UNC5D: variants seen among roughly 807,000 people sequenced by gnomAD.
UNC5D encodes netrin receptor UNC5D.
In UNC5D, 39 loss-of-function variants were observed where a neutral mutation model predicts 105.4. The ratio of observed to expected loss-of-function variants is 0.37; its 90% CI spans 0.29 to 0.48. The LOEUF (loss-of-function observed/expected upper bound fraction) is 0.48, where lower values mean the gene tolerates loss of function less well. UNC5D is among the 20% of genes least tolerant of loss of function. UNC5D has a pLI of 0.98. For missense variants in UNC5D, 991 were observed against 1,202.4 expected (o/e 0.82, Z 2.60); for synonymous variants, 452 against 450.4 (o/e 1.00, Z -0.04).
intron 11 of UNC5D, among the ~76,000 whole-genome samples, chr8:35,732,692 A>G (rs533320795): frequency 6.6e-6 from 1 of 152,270 alleles, no homozygotes; most frequent in East Asian, 1.9e-4. Context: ...CTTTCCCTGA[A>G]TCACAGCTTC....
Position 35,621,826 on chromosome 8 carries a change from G to A in UNC5D, c.570+26169G>A, listed in dbSNP as rs138790298. ...CATGTGCCTGAGCCTTCAGTAGGGT[G>A]GTTTCTTCAAAATTCAATATGAACA... On this transcript the variant is annotated intron_variant, in intron 4 of 16. Coordinates refer to ENST00000404895, the MANE Select transcript of UNC5D (RefSeq NM_080872.4). 6.9e-3 allele frequency among the ~76,000 whole-genome samples: 1,043 copies of A among 152,166 alleles called. 9 individuals carry two copies. The highest frequency in any genetic ancestry group is 0.031 in the Middle Eastern group (9 of 294).
intron 4 of UNC5D, among the ~76,000 whole-genome samples, chr8:35,606,098 C>T (rs1316145967): frequency 2.0e-5 from 3 of 151,816 alleles, no homozygotes; most frequent in African/African-American, 7.3e-5. Context: ...AATGATTCTC[C>T]TGGCTCAGCC....
rs1801805313 is a variant in UNC5D at position 35,767,034 on chromosome 8, C to T, written c.2446C>T (p.Gln816Ter). The change falls in exon 15 of 17, where the codon CAG becomes TAG. Residue 816 changes from glutamine to a stop codon, truncating the protein, a stop_gained. Transcript: ENST00000404895. LOFTEE classifies it high-confidence loss of function. Reference sequence around the variant, plus strand: ...CATTCGGCAGCTCAAAGGCCATGAACAGATCCTCCAAGTGCAGACATCAAT... The same window carrying T: ...CATTCGGCAGCTCAAAGGCCATGAATAGATCCTCCAAGTGCAGACATCAAT... ...ICIRQLKGHE[Q>*]ILQVQTSILE... 6.2e-7 allele frequency: 1 copy of T among 1,613,694 alleles called. No individual in the cohort carries two copies. Among genetic ancestry groups the T allele is most frequent in the Admixed American group, 1.7e-5 (1 of 59,982 alleles).
rs112767239 is a variant in UNC5D at position 35,464,029 on chromosome 8, G to A, written c.104-85263G>A. 5.5e-3 allele frequency among the ~76,000 whole-genome samples: 833 copies of A among 152,214 alleles called. 1 individual carries two copies. Among genetic ancestry groups the A allele is most frequent in the Non-Finnish European group, 8.5e-3 (575 of 68,022 alleles). On this transcript the variant is annotated intron_variant, in intron 1 of 16. Transcript: ENST00000404895. ...TTTCTAATCTTATACAGGTACTTAT[G>A]TATTAGAAAACAGTCGGCCAGGCGC...
At position 35,549,356 on chromosome 8, in the gene UNC5D, C is replaced by T; in HGVS notation, c.168C>T (p.Phe56=). The T allele has an allele frequency of 6.2e-7, 1 of 1,613,600 alleles. No homozygotes were observed. Among genetic ancestry groups the T allele is most frequent in the Non-Finnish European group, 8.5e-7 (1 of 1,180,036 alleles). The part of the protein sequence containing the change: ...IPSAPGTLPH[F]IEEPDDAYII... Reference sequence around the variant, plus strand: ...CAGCTCCTGGGACACTGCCTCATTTCATAGAGGAGCCAGATGATGCTTATA... The same window carrying T: ...CAGCTCCTGGGACACTGCCTCATTTTATAGAGGAGCCAGATGATGCTTATA... Residue 56 remains phenylalanine (F), a synonymous_variant, in exon 2 of 17, where the codon TTC becomes TTT. Transcript: ENST00000404895.
At chr8:35,601,467 G>T (rs369396732) in intron 4 of UNC5D, among the ~76,000 whole-genome samples, 9 of 151,974 alleles carry the variant, frequency 5.9e-5, no homozygotes, top group Non-Finnish European at 1.3e-4. Flanking sequence ...TATCCTCTTT[G>T]ATTTCATTGA....
rs367776442 is a variant in UNC5D at position 35,348,219 on chromosome 8, T to G, written c.103+112332T>G. The stretch of plus-strand genomic sequence containing the variant: ...TTAAGTTCTCATGTCATTAGTGGTG[T>G]TGTTTTACCAAAAAAAATTATATAT... On this transcript the variant is annotated intron_variant, in intron 1 of 16. Coordinates refer to ENST00000404895, the MANE Select transcript of UNC5D (RefSeq NM_080872.4). Among the ~76,000 whole-genome samples the G allele has an allele frequency of 3.9e-5, 6 of 152,042 alleles. No homozygotes were observed. The East Asian group carries it at 5.8e-4, about 15-fold the overall frequency.
intron 11 of UNC5D, among the ~76,000 whole-genome samples, chr8:35,734,517 T>A (rs1282834392): frequency 6.6e-6 from 1 of 151,970 alleles, no homozygotes; most frequent in Admixed American, 6.6e-5. Context: ...TTCAAGCGAT[T>A]CTCCTGCCTC....
chr8:35,629,840 C>T (rs578056331), intron 4 of UNC5D, among the ~76,000 whole-genome samples: 2 of 152,090 alleles, frequency 1.3e-5, no homozygotes, highest in Non-Finnish European at 2.9e-5. Flanking sequence ...ATTATCCCCC[C>T]ACCCCAGGTC....
chr8:35,367,422 A>C (rs893336954), intron 1 of UNC5D, among the ~76,000 whole-genome samples: 3 of 152,140 alleles, frequency 2.0e-5, no homozygotes, highest in Non-Finnish European at 2.9e-5. Flanking sequence ...ATTGAAAGGA[A>C]CCCAGGTCTT....
intron 14 of UNC5D, 78 bp from the exon 15 acceptor site, chr8:35,766,824 T>TCAC: frequency 1.4e-6 from 2 of 1,414,486 alleles, no homozygotes; most frequent in South Asian, 3.4e-5. Flanking sequence ...ATCATCATCA[T>TCAC]CACTATTAAG....
At chr8:35,413,461 C>CTT (rs556334880) in intron 1 of UNC5D, among the ~76,000 whole-genome samples, 5 of 138,430 alleles carry the variant, frequency 3.6e-5, no homozygotes, top group African/African-American at 8.0e-5. Flanking sequence ...CCACCATGGG[C>CTT]TTTTTTTTTT....
intron 4 of UNC5D, among the ~76,000 whole-genome samples, chr8:35,598,348 A>G (rs1043067866): frequency 2.0e-5 from 3 of 152,196 alleles, no homozygotes; most frequent in African/African-American, 7.2e-5. Flanking sequence ...TCCTCAGAAC[A>G]TGAAGCAGTG....
At chr8:35,353,437 T>C (rs1299771120) in intron 1 of UNC5D, among the ~76,000 whole-genome samples, 14 of 152,202 alleles carry the variant, frequency 9.2e-5, no homozygotes, top group Non-Finnish European at 2.1e-4. Flanking sequence ...TCAACTGTTG[T>C]CTTTGGGATT....
intron 8 of UNC5D, among the ~76,000 whole-genome samples, chr8:35,707,442 A>G (rs1404959912): frequency 6.6e-6 from 1 of 152,058 alleles, no homozygotes; most frequent in Non-Finnish European, 1.5e-5. Flanking sequence ...GGGAAGACTG[A>G]GTTTGGGGGC....
chr8:35,733,444 G>A (rs1287093236), intron 11 of UNC5D, among the ~76,000 whole-genome samples: 1 of 152,112 alleles, frequency 6.6e-6, no homozygotes, highest in African/African-American at 2.4e-5. Context: ...CTGCCATCCT[G>A]AACTTGTGCT....
intron 1 of UNC5D, among the ~76,000 whole-genome samples, chr8:35,450,099 A>G (rs991610896): frequency 6.6e-6 from 1 of 152,192 alleles, no homozygotes; most frequent in African/African-American, 2.4e-5. Context: ...ATATTATACT[A>G]GGCATCATCC....
chr8:35,538,102 G>A (rs1814968700), intron 1 of UNC5D, among the ~76,000 whole-genome samples: 1 of 151,992 alleles, frequency 6.6e-6, no homozygotes, highest in Non-Finnish European at 1.5e-5. Flanking sequence ...GAAGAGGAAT[G>A]TAACCAACCT....
At chr8:35,419,917 G>A (rs557453011) in intron 1 of UNC5D, among the ~76,000 whole-genome samples, 6 of 152,264 alleles carry the variant, frequency 3.9e-5, no homozygotes, top group Admixed American at 2.0e-4. Context: ...CCCAAATTGA[G>A]CAGCCCTCTG....
Sources: gnomAD v4.1 joint callset for allele counts (sites outside exome capture counted in the v4.1 genomes callset) on GRCh38, gnomAD v4.1.1 for gene constraint, MANE v1.5 for transcripts, NCBI Gene and HGNC (gene_info 2026-07-23, HGNC 2026-07-21) for gene names.